The following HDX variants were observed in gnomAD, a reference collection of about 807,000 sequenced individuals.
The protein encoded by HDX is highly divergent homeobox.
In HDX, 19 loss-of-function variants were observed where a neutral mutation model predicts 45.2. That is an observed-to-expected ratio of 0.42 (90% CI 0.29 to 0.62). The LOEUF is 0.62. HDX is among the 20% of genes least tolerant of loss of function. HDX has a pLI of 0.20. For synonymous variants in HDX, 188 were observed against 172.8 expected (o/e 1.09, Z -0.69); for missense variants, 532 against 493.9 (o/e 1.08, Z -0.73).
intron 4 of HDX, among the ~76,000 whole-genome samples, chrX:84,443,801 AC>A (rs960333900): frequency 1.2e-4 from 14 of 112,061 alleles, no homozygotes; most frequent in African/African-American, 4.5e-4. Context: ...AACTTCAAAA[AC>A]TTTTGACAAA....
chrX:84,361,442 T>G (rs761316460), intron 6 of HDX, 24 bp downstream of exon 6: 1 of 1,191,972 alleles, frequency 8.4e-7, no homozygotes, highest in African/African-American at 1.8e-5. Flanking sequence ...AACTATAGCA[T>G]GAAAATTATA....
intron 5 of HDX, among the ~76,000 whole-genome samples, chrX:84,378,993 A>C (rs962754714): frequency 9.0e-6 from 1 of 110,788 alleles, no homozygotes; most frequent in African/African-American, 3.3e-5. Flanking sequence ...AAACCAAAAA[A>C]GATTAGGAGT....
intron 2 of HDX, 113 bp from the exon 3 acceptor site, chrX:84,475,510 A>G: frequency 2.2e-6 from 1 of 455,560 alleles, no homozygotes; most frequent in Non-Finnish European, 3.6e-6. Context: ...AAACTTCTGT[A>G]AGTGAATTAA....
intron 5 of HDX, among the ~76,000 whole-genome samples, chrX:84,430,263 T>G (rs1436334153): frequency 9.0e-6 from 1 of 111,237 alleles, no homozygotes; most frequent in African/African-American, 3.2e-5. Context: ...AGTGAGAACA[T>G]GTGGTGTTTA....
intron 5 of HDX, among the ~76,000 whole-genome samples, chrX:84,431,813 T>A (rs779499490): frequency 9.0e-5 from 10 of 111,533 alleles, no homozygotes; most frequent in Non-Finnish European, 1.7e-4. Flanking sequence ...GAAAGTTCCT[T>A]TTGCTGTGCA....
chrX:84,344,182 T>C, intron 7 of HDX, 68 bp downstream of exon 7: 1 of 864,635 alleles, frequency 1.2e-6, no homozygotes, highest in Non-Finnish European at 1.7e-6. Context: ...TGCAGTAAAC[T>C]GAAAATCAAG....
chrX:84,459,446 A>G (rs191243113), intron 4 of HDX, among the ~76,000 whole-genome samples: 2 of 110,731 alleles, frequency 1.8e-5, no homozygotes, highest in South Asian at 7.4e-4. Flanking sequence ...GATCTCAAAA[A>G]AAAAAAAGAA....
intron 4 of HDX, 110 bp from the exon 5 acceptor site, chrX:84,440,695 A>G (rs1157478584): frequency 2.1e-6 from 1 of 469,138 alleles, no homozygotes; most frequent in African/African-American, 2.5e-5. Flanking sequence ...TGCATTCAGA[A>G]CATATTCCCC....
chrX:84,442,702 T>G (rs1454524218), intron 4 of HDX, among the ~76,000 whole-genome samples: 1 of 111,066 alleles, frequency 9.0e-6, no homozygotes, highest in Non-Finnish European at 1.9e-5. Context: ...TCCGCTTAAA[T>G]AATATAATAT....
chrX:84,444,977 G>A (rs997429004), intron 4 of HDX, among the ~76,000 whole-genome samples: 1 of 111,428 alleles, frequency 9.0e-6, no homozygotes, highest in Non-Finnish European at 1.9e-5. Flanking sequence ...ATATGAATCC[G>A]CTTTAATGTT....
At chrX:84,352,040 T>C (rs1446060595) in intron 6 of HDX, among the ~76,000 whole-genome samples, 1 of 112,080 alleles carries the variant, frequency 8.9e-6, no homozygotes, top group Non-Finnish European at 1.9e-5. Context: ...AGCTGTAAAT[T>C]TGATTATGAT....
chrX:84,335,996 G>A (rs2036950844), intron 8 of HDX, among the ~76,000 whole-genome samples: 1 of 109,979 alleles, frequency 9.1e-6, no homozygotes, highest in African/African-American at 3.3e-5. Flanking sequence ...CAGCCCTTTT[G>A]TAACAACAAC....
chrX:84,406,650 A>T (rs1172862039), intron 5 of HDX, among the ~76,000 whole-genome samples: 5 of 111,199 alleles, frequency 4.5e-5, no homozygotes, highest in Non-Finnish European at 1.9e-5. Context: ...AAGATATGAG[A>T]TTATTATGTC....
chrX:84,487,426 T>C (rs2040817224), intron 2 of HDX, among the ~76,000 whole-genome samples: 1 of 111,980 alleles, frequency 8.9e-6, no homozygotes, highest in Admixed American at 9.4e-5. Context: ...AGAACACAGT[T>C]AGCAGGCAAT....
At chrX:84,367,137 T>G (rs1006253624) in intron 5 of HDX, among the ~76,000 whole-genome samples, 1 of 107,101 alleles carries the variant, frequency 9.3e-6, no homozygotes, top group Non-Finnish European at 2.0e-5. Context: ...TACAAAGAAC[T>G]TCAACAAATT....
intron 5 of HDX, among the ~76,000 whole-genome samples, chrX:84,418,867 A>G (rs1273356828): frequency 9.0e-6 from 1 of 110,676 alleles, no homozygotes; most frequent in Non-Finnish European, 1.9e-5. Context: ...CATGGCTCCA[A>G]AAGAGACCCC....
chrX:84,452,016 C>T (rs1472914574), intron 4 of HDX, among the ~76,000 whole-genome samples: 1 of 111,220 alleles, frequency 9.0e-6, no homozygotes, highest in East Asian at 2.8e-4. Context: ...AAGGAATGTA[C>T]CTCAACATAA....
intron 1 of HDX, among the ~76,000 whole-genome samples, chrX:84,488,995 C>T (rs1236500935): frequency 3.6e-5 from 4 of 111,040 alleles, no homozygotes; most frequent in African/African-American, 1.3e-4. Context: ...TCTTAATTTG[C>T]CGGGTTTTGT....
At position 84,318,686 on chromosome X, in the gene HDX, T is replaced by A. The variant is rs1417886971; in HGVS notation, c.*3203A>T. ...GAATATGAAAGTGCCTCACAATAGA[T>A]GTTGCTGTCTTTGGAGAAATGGCTT... On this transcript the variant is annotated 3_prime_UTR_variant, in exon 11 of 11. Transcript: ENST00000373177. 3.6e-5 allele frequency: 4 copies of A among 111,533 alleles called. No homozygotes were observed. The allele number at this position is 111,533 out of a possible 1,213,427, so 9.2% of individuals were successfully genotyped here. A position where few individuals can be genotyped will look rare whatever the true frequency, so the allele number is the denominator to read the frequency against.
Sources: allele counts gnomAD v4.1 joint callset (sites outside exome capture counted in the v4.1 genomes callset), GRCh38; gene constraint gnomAD v4.1.1; transcripts MANE v1.5; gene names NCBI Gene and HGNC (gene_info 2026-07-23, HGNC 2026-07-21).